SLCO4C1: variants seen among roughly 807,000 people sequenced by gnomAD.
The protein encoded by SLCO4C1 is solute carrier organic anion transporter family member 4C1.
In SLCO4C1, 58 loss-of-function variants were observed where a neutral mutation model predicts 72.1. The ratio of observed to expected loss-of-function variants is 0.80; its 90% CI spans 0.65 to 1.00. The LOEUF (loss-of-function observed/expected upper bound fraction) is 1.00, where lower values mean the gene tolerates loss of function less well. Ranked by LOEUF, SLCO4C1 falls within the 50% of genes least tolerant of loss-of-function variation. The pLI is 0.00. For synonymous variants in SLCO4C1, 297 were observed against 312.5 expected (o/e 0.95, Z 0.52); for missense variants, 898 against 857.9 (o/e 1.05, Z -0.58).
At chr5:102,295,613 T>A (rs1561384945) in intron 1 of SLCO4C1, among the ~76,000 whole-genome samples, 2 of 152,250 alleles carry the variant, frequency 1.3e-5, no homozygotes, top group African/African-American at 4.8e-5. Context: ...AAGGTTCTTG[T>A]AATCTTCCCT....
chr5:102,279,370 C>A (rs1749311320), intron 2 of SLCO4C1, among the ~76,000 whole-genome samples: 1 of 151,810 alleles, frequency 6.6e-6, no homozygotes, highest in South Asian at 2.1e-4. Context: ...TACTCTTGCA[C>A]CAACCTAATA....
At chr5:102,245,986 A>G (rs1580240638) in intron 10 of SLCO4C1, among the ~76,000 whole-genome samples, 1 of 152,218 alleles carries the variant, frequency 6.6e-6, no homozygotes, top group East Asian at 1.9e-4. Flanking sequence ...AAATTTATTG[A>G]AACAAATGAT....
At chr5:102,249,026 G>A (rs928088097) in intron 9 of SLCO4C1, among the ~76,000 whole-genome samples, 10 of 152,052 alleles carry the variant, frequency 6.6e-5, no homozygotes, top group African/African-American at 2.2e-4. Context: ...GTGTATTCAT[G>A]GTATATCAAA....
chr5:102,239,016 G>A (rs1272286724), intron 12 of SLCO4C1, among the ~76,000 whole-genome samples: 7 of 152,078 alleles, frequency 4.6e-5, no homozygotes, highest in Non-Finnish European at 8.8e-5. Flanking sequence ...ATGATGTAAT[G>A]AAAGCTAGAA....
intron 12 of SLCO4C1, among the ~76,000 whole-genome samples, chr5:102,238,331 A>G (rs1219097246): frequency 1.3e-5 from 2 of 152,180 alleles, no homozygotes; most frequent in Non-Finnish European, 2.9e-5. Context: ...GTAAAAATAT[A>G]TAATTTTAAA....
chr5:102,284,099 G>A (rs1313853862), intron 2 of SLCO4C1, among the ~76,000 whole-genome samples: 7 of 151,694 alleles, frequency 4.6e-5, no homozygotes, highest in Middle Eastern at 3.4e-3. Context: ...TAATTCGGTC[G>A]CCAGAAAAAA....
At chr5:102,238,520 A>G (rs1748480574) in intron 12 of SLCO4C1, among the ~76,000 whole-genome samples, 3 of 152,144 alleles carry the variant, frequency 2.0e-5, no homozygotes, top group South Asian at 2.1e-4. Flanking sequence ...ACATGCATGT[A>G]AGAGTAATAA....
intron 1 of SLCO4C1, among the ~76,000 whole-genome samples, chr5:102,294,543 A>T (rs560922569): frequency 2.0e-5 from 3 of 152,252 alleles, no homozygotes; most frequent in Non-Finnish European, 2.9e-5. Flanking sequence ...AAGATAATAC[A>T]CAAGATAAGA....
chr5:102,271,262 A>G (rs1749148033), intron 2 of SLCO4C1, among the ~76,000 whole-genome samples: 2 of 152,014 alleles, frequency 1.3e-5, no homozygotes, highest in African/African-American at 4.8e-5. Flanking sequence ...ATAATATTCT[A>G]TAGCATAAAT....
At position 102,247,271 on chromosome 5, in the gene SLCO4C1, T is replaced by A. The variant is rs776904004; in HGVS notation, c.1792A>T (p.Ile598Leu). The change falls in exon 10 of 13, where the codon ATA (isoleucine) becomes TTA (leucine). Residue 598 changes from isoleucine to leucine, a missense_variant. Physicochemically the swap from Ile to Leu is conservative, Grantham distance 5. Transcript: ENST00000310954. The stretch of plus-strand genomic sequence containing the variant: ...ACATACCTTAGGATAGACACAGTTA[T>A]AGGAGTACCGGCCATAAAGGTAAAA... ...IIFTFMAGTP[I>L]TVSILRCVNH... 6 of 1,567,474 alleles carry A rather than the reference T, an allele frequency of 3.8e-6. No homozygotes were observed. The highest frequency in any genetic ancestry group is 5.2e-6 in the Non-Finnish European group (6 of 1,148,744).
chr5:102,240,672 A>G (rs1561364434), intron 11 of SLCO4C1, 46 bp downstream of exon 11: 10 of 1,517,704 alleles, frequency 6.6e-6, no homozygotes, highest in Admixed American at 1.8e-5. Context: ...ACACTAATGA[A>G]CCAAAATAGC....
At chr5:102,261,499 A>T (rs1484369794) in intron 5 of SLCO4C1, among the ~76,000 whole-genome samples, 1 of 151,980 alleles carries the variant, frequency 6.6e-6, no homozygotes, top group Non-Finnish European at 1.5e-5. Flanking sequence ...GACTTCAGTG[A>T]TAACTTAAAA....
At chr5:102,245,067 A>G (rs1748612452) in intron 10 of SLCO4C1, among the ~76,000 whole-genome samples, 2 of 152,206 alleles carry the variant, frequency 1.3e-5, no homozygotes, top group Admixed American at 6.5e-5. Flanking sequence ...CCAATAAAAA[A>G]TAGTAACTAC....
At chr5:102,242,035 G>T (rs1201833529) in intron 10 of SLCO4C1, among the ~76,000 whole-genome samples, 1 of 152,164 alleles carries the variant, frequency 6.6e-6, no homozygotes, top group African/African-American at 2.4e-5. Flanking sequence ...CTCTTGGGGT[G>T]GGGAGGGAGA....
intron 2 of SLCO4C1, among the ~76,000 whole-genome samples, chr5:102,287,534 C>CTTTTTT (rs148132091): frequency 1.4e-4 from 11 of 79,962 alleles, no homozygotes; most frequent in Non-Finnish European, 2.3e-4. Flanking sequence ...TTTTTCACTT[C>CTTTTTT]TTTTTTTTTT....
chr5:102,239,168 G>A, intron 12 of SLCO4C1, 83 bp downstream of exon 12: 1 of 1,279,638 alleles, frequency 7.8e-7, no homozygotes. Context: ...CAAAATACCT[G>A]TGACCCTAAG....
chr5:102,239,616 A>T (rs769905488), intron 11 of SLCO4C1, among the ~76,000 whole-genome samples: 1 of 152,068 alleles, frequency 6.6e-6, no homozygotes, highest in Non-Finnish European at 1.5e-5. Context: ...AAAGTATTTC[A>T]ATAGAAATAT....
intron 2 of SLCO4C1, among the ~76,000 whole-genome samples, chr5:102,278,223 G>T (rs1749285164): frequency 6.6e-6 from 1 of 152,226 alleles, no homozygotes; most frequent in Middle Eastern, 3.4e-3. Context: ...ATTAATATCA[G>T]CTGAAACTGA....
intron 10 of SLCO4C1, among the ~76,000 whole-genome samples, chr5:102,243,049 T>TTGG (rs1748574696): frequency 6.6e-6 from 1 of 152,038 alleles, no homozygotes; most frequent in Admixed American, 6.6e-5. Flanking sequence ...TAAAGGAACA[T>TTGG]TGGTGGTAGT....
Sources: gnomAD v4.1 joint callset for allele counts (sites outside exome capture counted in the v4.1 genomes callset) on GRCh38, gnomAD v4.1.1 for gene constraint, MANE v1.5 for transcripts, NCBI Gene and HGNC (gene_info 2026-07-23, HGNC 2026-07-21) for gene names.